Variants in SGCE observed in about 807,000 individuals in gnomAD.
SGCE encodes the protein sarcoglycan epsilon, also known as epsilon-sarcoglycan.
A neutral mutation model predicts 57.8 loss-of-function variants in SGCE; 26 were observed. The ratio of observed to expected loss-of-function variants is 0.45; its 90% CI spans 0.33 to 0.62. The LOEUF (loss-of-function observed/expected upper bound fraction) is 0.62, where lower values mean the gene tolerates loss of function less well. Ranked by LOEUF, SGCE falls within the 20% of genes least tolerant of loss-of-function variation. The pLI, the probability that SGCE is intolerant of heterozygous loss-of-function variation, is 0.02. For synonymous variants in SGCE, 183 were observed against 189.5 expected, an observed-to-expected ratio of 0.97 and a Z score of 0.28; for missense variants, 468 against 548.6, an observed-to-expected ratio of 0.85 and a Z score of 1.47.
intron 1 of SGCE, among the ~76,000 whole-genome samples, chr7:94,639,938 T>C (rs1226928097): frequency 2.6e-5 from 4 of 152,072 alleles, no homozygotes; most frequent in African/African-American, 9.7e-5. Context: ...TGCAAGAGTG[T>C]CAGATAGCAG....
intron 1 of SGCE, among the ~76,000 whole-genome samples, chr7:94,645,569 G>C (rs1017844288): frequency 1.8e-4 from 28 of 152,100 alleles, no homozygotes; most frequent in Non-Finnish European, 8.8e-5. Flanking sequence ...AGATATAAGA[G>C]ACTTTAGAGT....
At chr7:94,591,388 A>G (rs1584487369) in intron 9 of SGCE, among the ~76,000 whole-genome samples, 1 of 152,288 alleles carries the variant, frequency 6.6e-6, no homozygotes, top group East Asian at 1.9e-4. Flanking sequence ...ACATAGGCGC[A>G]CACCACACAC....
chr7:94,644,125 A>G (rs1019266901), intron 1 of SGCE, among the ~76,000 whole-genome samples: 1 of 152,260 alleles, frequency 6.6e-6, no homozygotes. Context: ...CATCATATGC[A>G]TCTTGCATTT....
chr7:94,594,964 C>T (rs563921603), intron 9 of SGCE, among the ~76,000 whole-genome samples: 1 of 152,218 alleles, frequency 6.6e-6, no homozygotes, highest in South Asian at 2.1e-4. Flanking sequence ...CTGTCCACTG[C>T]CTCTTTATTC....
At chr7:94,617,637 C>T (rs1802126522) in intron 5 of SGCE, 1 of 152,186 alleles carries the variant, frequency 6.6e-6, no homozygotes, top group South Asian at 2.1e-4. Flanking sequence ...CAACTAGGTA[C>T]ATAGACAAGA....
At chr7:94,628,163 CAT>C (rs779667091) in intron 3 of SGCE, 37 bp downstream of exon 3, 60 of 1,438,078 alleles carry the variant, frequency 4.2e-5, no homozygotes, top group East Asian at 1.4e-4. Context: ...CACACACACA[CAT>C]ATATGTATAG....
intron 5 of SGCE, among the ~76,000 whole-genome samples, chr7:94,607,106 T>C (rs1462154380): frequency 6.6e-6 from 1 of 150,650 alleles, no homozygotes; most frequent in Non-Finnish European, 1.5e-5. Flanking sequence ...AAAAAAAAAA[T>C]CAGATAATCT....
At chr7:94,604,205 A>T (rs1186664813) in intron 5 of SGCE, among the ~76,000 whole-genome samples, 1 of 152,162 alleles carries the variant, frequency 6.6e-6, no homozygotes, top group Non-Finnish European at 1.5e-5. Flanking sequence ...GCTTGAGAAG[A>T]TAGGAATCTC....
rs188526246 is a variant in SGCE, at chr7:94,585,289, A to G, written c.*210T>C. ...TATTGTAACAAATATAAAGTCATCA[A>G]TGTTTTACAAATTGTCAAAAATGCT... On this transcript the variant is annotated 3_prime_UTR_variant, in exon 11 of 11. Coordinates refer to ENST00000648936, the MANE Select transcript of SGCE (RefSeq NM_003919.3). The G allele has an allele frequency of 5.3e-5, 26 of 493,470 alleles. No individual in the cohort carries two copies. Among genetic ancestry groups the G allele is most frequent in the East Asian group, 3.5e-4 (12 of 34,236 alleles). The allele number at this position is 493,470 out of a possible 1,614,324, so 30.6% of individuals were successfully genotyped here. A position where few individuals can be genotyped will look rare whatever the true frequency, so the allele number is the denominator to read the frequency against.
intron 3 of SGCE, 53 bp downstream of exon 3, chr7:94,628,137 TACACACACACAC>T (rs138881114): frequency 8.1e-6 from 8 of 991,508 alleles, no homozygotes; most frequent in East Asian, 7.7e-5. Context: ...CAAATTACAA[TACACACACACAC>T]ACACACACAC....
intron 1 of SGCE, among the ~76,000 whole-genome samples, chr7:94,647,032 T>C (rs913396066): frequency 6.6e-6 from 1 of 152,216 alleles, no homozygotes; most frequent in Non-Finnish European, 1.5e-5. Flanking sequence ...ACACATACCG[T>C]GCTCTTTTTT....
intron 9 of SGCE, chr7:94,594,401 A>T (rs1159391722): frequency 6.6e-6 from 1 of 152,106 alleles, no homozygotes; most frequent in Non-Finnish European, 1.5e-5. Flanking sequence ...AACTTACTAT[A>T]TGAGGGCATG....
chr7:94,630,259 A>G (rs1584703704), intron 1 of SGCE, among the ~76,000 whole-genome samples: 1 of 151,956 alleles, frequency 6.6e-6, no homozygotes, highest in East Asian at 1.9e-4. Flanking sequence ...CAAAGTACAG[A>G]GTAATTTTTA....
Position 94,588,695 on chromosome 7 carries a change from T to G in SGCE, c.1291A>C (p.Thr431Pro). 1 of 1,599,250 alleles carries G rather than the reference T, an allele frequency of 6.3e-7. No homozygotes were observed. Among genetic ancestry groups the G allele is most frequent in the Non-Finnish European group, 8.6e-7 (1 of 1,166,564 alleles). ...PHQTQIPQQQ[T>P]TGKWYP Reference sequence around the variant, plus strand: ...TATTATTCTTAGCACTCACCTGTAGTCTGCTGTTGGGGAATCTGAGTCTGA... The same window carrying G: ...TATTATTCTTAGCACTCACCTGTAGGCTGCTGTTGGGGAATCTGAGTCTGA... Residue 431 changes from threonine (T) to proline (P), a missense_variant, in exon 10 of 11, where the codon ACT becomes CCT. By Grantham distance (38) the Thr-to-Pro change is conservative. Transcript: ENST00000648936.
At chr7:94,594,642 T>C (rs1395138069) in intron 9 of SGCE, 1 of 152,118 alleles carries the variant, frequency 6.6e-6, no homozygotes, top group East Asian at 1.9e-4. Context: ...GGGTTCCTCA[T>C]TGTGACAAAT....
chr7:94,626,365 T>C (rs947944829), intron 3 of SGCE: 6 of 152,060 alleles, frequency 3.9e-5, no homozygotes, highest in African/African-American at 1.4e-4. Context: ...GTCAAAGAGA[T>C]TTTTCTACAT....
At position 94,600,067 on chromosome 7, in the gene SGCE, C is replaced by G. The variant is rs561330224; in HGVS notation, c.1038-344G>C. On this transcript the variant is annotated intron_variant, in intron 7 of 10. Coordinates refer to ENST00000648936, the MANE Select transcript of SGCE (RefSeq NM_003919.3). The stretch of plus-strand genomic sequence containing the variant: ...ATTTTTTATCCTTTGCTTTGTTGCC[C>G]TGACTTCCAGATAATCTTGGGAGAT... 42 of 225,072 alleles carry G rather than the reference C, an allele frequency of 1.9e-4. 1 individual carries two copies. The highest frequency in any genetic ancestry group is 9.4e-4 in the African/African-American group (41 of 43,440). 13.9% of individuals were successfully genotyped at this position (225,072 alleles called of 1,614,324 possible). A position where few individuals can be genotyped will look rare whatever the true frequency, so the allele number is the denominator to read the frequency against.
At chr7:94,595,401 C>T (rs940679681) in intron 9 of SGCE, among the ~76,000 whole-genome samples, 8 of 152,070 alleles carry the variant, frequency 5.3e-5, no homozygotes, top group South Asian at 2.1e-4. Context: ...TGAATATTTC[C>T]GGTATCAATC....
chr7:94,587,741 G>C (rs1393034740), intron 10 of SGCE: 2 of 1,533,444 alleles, frequency 1.3e-6, no homozygotes, highest in African/African-American at 2.8e-5. Context: ...TAAACATCTT[G>C]TAATTGAAAT....
Sources: allele counts gnomAD v4.1 joint callset (sites outside exome capture counted in the v4.1 genomes callset), GRCh38; gene constraint gnomAD v4.1.1; transcripts MANE v1.5; gene names NCBI Gene and HGNC (gene_info 2026-07-23, HGNC 2026-07-21).